The following MILR1 variants were observed in gnomAD, a reference collection of about 807,000 sequenced individuals.
MILR1 encodes mast cell immunoglobulin like receptor 1.
In MILR1, 31 loss-of-function variants were observed where a neutral mutation model predicts 18.5. The observed-to-expected ratio is 1.68, with a 90% CI of 1.26 to 2.26. MILR1 has a LOEUF of 2.26. Among genes scored for constraint, MILR1 ranks in the 30% most tolerant of loss-of-function variants. The pLI is 0.00. For missense variants in MILR1, 257 were observed against 157.4 expected (o/e 1.63, Z -3.38); for synonymous variants, 85 against 56.2 (o/e 1.51, Z -2.30).
chr17:64,496,044 G>A, the MILR1 span, among the ~76,000 whole-genome samples: 3 of 152,298 alleles, frequency 2.0e-5, no homozygotes, highest in African/African-American at 7.2e-5. Flanking sequence ...AATAGTTTCA[G>A]AATTATAATT....
chr17:64,473,326 G>A (rs1029732197), downstream of MILR1, among the ~76,000 whole-genome samples: 3 of 149,746 alleles, frequency 2.0e-5, no homozygotes, highest in African/African-American at 5.0e-5. Context: ...ACTCCAGCCT[G>A]GGCGACAGAG....
intron 3 of MILR1, among the ~76,000 whole-genome samples, chr17:64,456,336 G>A (rs2037300161): frequency 6.6e-6 from 1 of 151,740 alleles, no homozygotes; most frequent in South Asian, 2.1e-4. Flanking sequence ...ATAATAAAAT[G>A]TATAGCTGGG....
chr17:64,472,912 A>T (rs1248677690), downstream of MILR1, among the ~76,000 whole-genome samples: 5 of 152,226 alleles, frequency 3.3e-5, no homozygotes, highest in Admixed American at 2.0e-4. Flanking sequence ...ATAATCCAGT[A>T]GAAAACTGGG....
At chr17:64,474,384 AT>A in the MILR1 span, among the ~76,000 whole-genome samples, 1 of 150,764 alleles carries the variant, frequency 6.6e-6, no homozygotes, top group African/African-American at 2.4e-5. Flanking sequence ...CTTATTTTTT[AT>A]TTTTTTTGAG....
the MILR1 span, chr17:64,497,058 G>A: frequency 3.8e-6 from 5 of 1,321,276 alleles, no homozygotes; most frequent in Admixed American, 5.3e-5. Flanking sequence ...GAGAGGCCAC[G>A]GCGCAGGCGC....
At chr17:64,478,410 T>A in the MILR1 span, among the ~76,000 whole-genome samples, 872 of 152,288 alleles carry the variant, frequency 5.7e-3, 8 homozygotes, top group African/African-American at 0.018. Context: ...AAATCATGTT[T>A]CCTTTATTGA....
chr17:64,475,061 C>T, the MILR1 span, among the ~76,000 whole-genome samples: 9 of 151,784 alleles, frequency 5.9e-5, no homozygotes, highest in South Asian at 4.2e-4. Flanking sequence ...TGGTAGCAGG[C>T]GCCTGTAATC....
chr17:64,465,344 A>G, intron 5 of MILR1, 108 bp from the exon 6 acceptor site: 1 of 782,808 alleles, frequency 1.3e-6, no homozygotes, highest in East Asian at 2.7e-5. Flanking sequence ...CATTGGAGCA[A>G]GTCACTCTCT....
the MILR1 span, chr17:64,481,310 T>C: frequency 1.4e-4 from 139 of 985,252 alleles, 1 homozygote; most frequent in Admixed American, 3.1e-4. Context: ...ATCTCCCATC[T>C]TCCCAGACCT....
the MILR1 span, among the ~76,000 whole-genome samples, chr17:64,494,962 A>G: frequency 6.6e-6 from 1 of 150,492 alleles, no homozygotes; most frequent in East Asian, 2.0e-4. Context: ...TCACAAGGTC[A>G]GGAGATAGAG....
chr17:64,467,580 A>T lies in MILR1; in HGVS notation c.995A>T (p.Tyr332Phe). The T allele has an allele frequency of 6.5e-7, 1 of 1,545,798 alleles. No individual in the cohort carries two copies. Among genetic ancestry groups the T allele is most frequent in the Non-Finnish European group, 8.8e-7 (1 of 1,131,596 alleles). ...APREQEACDSYKSGYVYSELN... is the reference protein window; with the variant it reads ...APREQEACDSFKSGYVYSELN... Reference sequence around the variant, plus strand: ...TATATTTCAGAAGCCTGTGATTCTTATAAATCTGGATATGTCTATTCTGAA... The same window carrying T: ...TATATTTCAGAAGCCTGTGATTCTTTTAAATCTGGATATGTCTATTCTGAA... The change falls in exon 9 of 10, where the codon TAT (tyrosine) becomes TTT (phenylalanine). Residue 332 changes from tyrosine to phenylalanine, a missense_variant. By Grantham distance (22) the Tyr-to-Phe change is conservative. Transcript: ENST00000619286.
At chr17:64,491,739 T>C in the MILR1 span, 116,713 of 781,698 alleles carry the variant, frequency 0.15, 19,567 homozygotes, top group African/African-American at 0.71. Context: ...CTTCATCTAC[T>C]GCCTTTCCTA....
At chr17:64,474,369 C>T in the MILR1 span, among the ~76,000 whole-genome samples, 1 of 151,718 alleles carries the variant, frequency 6.6e-6, no homozygotes, top group African/African-American at 2.4e-5. Context: ...GCCACCGTGC[C>T]CGGCCTTATT....
chr17:64,478,562 T>C, the MILR1 span, among the ~76,000 whole-genome samples: 148 of 152,304 alleles, frequency 9.7e-4, no homozygotes, highest in African/African-American at 3.3e-3. Context: ...TATTTCTCTG[T>C]TTATTTATTG....
the MILR1 span, chr17:64,497,173 A>G: frequency 2.0e-5 from 13 of 645,800 alleles, no homozygotes; most frequent in Non-Finnish European, 3.3e-5. Context: ...GCCGGCTCGG[A>G]TGGTTCTCTG....
chr17:64,466,563 C>T (rs1285113112), intron 7 of MILR1, 31 bp from the exon 8 acceptor site: 14 of 1,610,688 alleles, frequency 8.7e-6, no homozygotes, highest in Non-Finnish European at 1.1e-5. Flanking sequence ...ATAATTGGCC[C>T]AATAATTCCT....
chr17:64,470,057 G>C (rs1460072236), downstream of MILR1, among the ~76,000 whole-genome samples: 1 of 152,196 alleles, frequency 6.6e-6, no homozygotes, highest in Non-Finnish European at 1.5e-5. Context: ...CTGGAAAAAA[G>C]ATGGAAGGTG....
At chr17:64,490,759 G>C in the MILR1 span, 74 of 1,510,362 alleles carry the variant, frequency 4.9e-5, no homozygotes, top group African/African-American at 6.9e-5. Context: ...TAGAGAATCT[G>C]GGTAAAAAAT....
downstream of MILR1, among the ~76,000 whole-genome samples, chr17:64,469,115 A>C (rs898803913): frequency 6.6e-6 from 1 of 152,028 alleles, no homozygotes; most frequent in Admixed American, 6.6e-5. Context: ...AGAAGAAAAG[A>C]AAAGAAAAAG....
Sources: allele counts gnomAD v4.1 joint callset (sites outside exome capture counted in the v4.1 genomes callset), GRCh38; gene constraint gnomAD v4.1.1; transcripts MANE v1.5; gene names NCBI Gene and HGNC (gene_info 2026-07-23, HGNC 2026-07-21).